Variants in DOCK3 observed in about 807,000 individuals in gnomAD.
DOCK3 encodes dedicator of cytokinesis 3.
Under a neutral mutation model 265.6 loss-of-function variants are expected in DOCK3, and 60 were observed. That is an observed-to-expected ratio of 0.23 (90% CI 0.18 to 0.28). The LOEUF (loss-of-function observed/expected upper bound fraction) is 0.28. DOCK3 is among the 10% of genes least tolerant of loss of function. The pLI is 1.00. For synonymous variants in DOCK3, 881 were observed against 938.0 expected (o/e 0.94, Z 1.11); for missense variants, 1,981 against 2,594.3 (o/e 0.76, Z 5.14).
intron 9 of DOCK3, among the ~76,000 whole-genome samples, chr3:51,092,297 T>G (rs2082668016): frequency 6.6e-6 from 1 of 152,196 alleles, no homozygotes; most frequent in South Asian, 2.1e-4. Context: ...AGCAGCAGAC[T>G]GAGATCGACC....
intron 5 of DOCK3, among the ~76,000 whole-genome samples, chr3:51,028,179 A>G (rs1330479344): frequency 1.3e-5 from 2 of 152,152 alleles, no homozygotes; most frequent in African/African-American, 4.8e-5. Flanking sequence ...TATTTCTCCT[A>G]TGAAGCTTAA....
intron 32 of DOCK3, among the ~76,000 whole-genome samples, chr3:51,329,021 T>C (rs1209956609): frequency 6.6e-6 from 1 of 152,014 alleles, no homozygotes; most frequent in Non-Finnish European, 1.5e-5. Flanking sequence ...GGTGTGGTGG[T>C]GCGTGCTTAT....
At chr3:51,105,384 C>A (rs958303016) in intron 9 of DOCK3, among the ~76,000 whole-genome samples, 1 of 152,194 alleles carries the variant, frequency 6.6e-6, no homozygotes, top group African/African-American at 2.4e-5. Context: ...TATGCCTACT[C>A]TGTTTCAGCA....
chr3:50,709,285 T>G (rs1330971195), intron 1 of DOCK3, among the ~76,000 whole-genome samples: 2 of 152,018 alleles, frequency 1.3e-5, no homozygotes, highest in African/African-American at 2.4e-5. Context: ...TTCTAATAGT[T>G]TTTTTTTAGT....
chr3:51,125,674 C>T lies in DOCK3; in HGVS notation c.747-20875C>T, dbSNP rs190616836. Among the ~76,000 whole-genome samples the T allele has an allele frequency of 3.2e-3, 483 of 152,002 alleles. 1 individual carries two copies. Among genetic ancestry groups the T allele is most frequent in the Middle Eastern group, 6.8e-3 (2 of 294 alleles). On this transcript the variant is annotated intron_variant, in intron 9 of 52. Transcript: ENST00000266037. The stretch of plus-strand genomic sequence containing the variant: ...GAGGACTTCCATAATCACAATAGGA[C>T]AAATATAGAGGAGTATGTATGTTAC...
intron 4 of DOCK3, among the ~76,000 whole-genome samples, chr3:50,916,742 G>A (rs546945767): frequency 1.7e-4 from 26 of 151,710 alleles, no homozygotes; most frequent in African/African-American, 5.1e-4. Flanking sequence ...CCGGTAGGGG[G>A]AGCTTACAGT....
chr3:51,381,324 G>T lies in DOCK3; in HGVS notation c.5858G>T (p.Cys1953Phe), dbSNP rs1043522299. The change falls in exon 53 of 53, where the codon TGC becomes TTC. Residue 1953 changes from cysteine (C) to phenylalanine (F), a missense_variant. Physicochemically the swap from Cys to Phe is radical, Grantham distance 205. Transcript: ENST00000266037. The surrounding 1 kb of genome is among the most constrained non-coding windows in gnomAD (Gnocchi z 5.6). Reference sequence around the variant, plus strand: ...CTGGACTCCATCAAGGCCCAGCCATGCCGAAGCCACTCAGCCCCAGGGTGC... The same window carrying T: ...CTGGACTCCATCAAGGCCCAGCCATTCCGAAGCCACTCAGCCCCAGGGTGC... ...AVLDSIKAQP[C>F]RSHSAPGCVI... 1.9e-6 allele frequency: 3 copies of T among 1,613,466 alleles called. No homozygotes were observed. Among genetic ancestry groups the T allele is most frequent in the Non-Finnish European group, 2.5e-6 (3 of 1,179,894 alleles).
chr3:51,281,274 A>AT (rs2081096037), intron 27 of DOCK3, among the ~76,000 whole-genome samples: 5 of 125,694 alleles, frequency 4.0e-5, no homozygotes, highest in African/African-American at 1.5e-4. Context: ...GATGAGCTAA[A>AT]ATATATATAT....
chr3:50,984,623 G>A (rs918463109), intron 5 of DOCK3, among the ~76,000 whole-genome samples: 18 of 152,038 alleles, frequency 1.2e-4, no homozygotes, highest in Non-Finnish European at 2.2e-4. Flanking sequence ...TTTCTTATAT[G>A]TTACTTTATT....
intron 40 of DOCK3, among the ~76,000 whole-genome samples, chr3:51,353,799 CTTCCTTTG>C (rs2086174017): frequency 6.6e-6 from 1 of 152,006 alleles, no homozygotes; most frequent in Non-Finnish European, 1.5e-5. Flanking sequence ...CTCTCTCTTT[CTTCCTTTG>C]AAGACATGCC....
chr3:50,934,742 A>G (rs1480410237), intron 5 of DOCK3, among the ~76,000 whole-genome samples: 1 of 151,966 alleles, frequency 6.6e-6, no homozygotes, highest in Non-Finnish European at 1.5e-5. Flanking sequence ...TGTCTCTTAA[A>G]AAAAAAAAAG....
intron 1 of DOCK3, among the ~76,000 whole-genome samples, chr3:50,706,099 C>T (rs1031138737): frequency 4.6e-5 from 7 of 151,996 alleles, no homozygotes; most frequent in Non-Finnish European, 8.8e-5. Context: ...ATGAAGAAGG[C>T]GCCTGCTTCT....
intron 3 of DOCK3, among the ~76,000 whole-genome samples, chr3:50,871,620 TC>T (rs979321801): frequency 6.6e-5 from 10 of 152,206 alleles, no homozygotes; most frequent in African/African-American, 2.4e-4. Context: ...GAACCCTATT[TC>T]TTTCTCTACC....
chr3:51,346,401 G>C (rs1461397866), intron 38 of DOCK3, among the ~76,000 whole-genome samples: 2 of 151,070 alleles, frequency 1.3e-5, no homozygotes, highest in Non-Finnish European at 2.9e-5. Context: ...TTGGTTTTCT[G>C]TCCTTGCAAT....
At chr3:51,088,086 T>A (rs1375943945) in intron 7 of DOCK3, among the ~76,000 whole-genome samples, 2 of 152,204 alleles carry the variant, frequency 1.3e-5, no homozygotes, top group Non-Finnish European at 2.9e-5. Flanking sequence ...AATGAAATAC[T>A]GTCATTTGTA....
chr3:51,239,199 T>TTTTATTTATTTATTTATTTA (rs4028194), intron 21 of DOCK3, among the ~76,000 whole-genome samples: 4,302 of 146,662 alleles, frequency 0.029, 97 homozygotes, highest in South Asian at 0.041. Context: ...AAAGCGTACT[T>TTTTATTTATTTATTTATTTA]TTTATTTATT....
intron 2 of DOCK3, among the ~76,000 whole-genome samples, chr3:50,819,567 C>T (rs901254915): frequency 2.0e-4 from 31 of 152,124 alleles, no homozygotes; most frequent in African/African-American, 6.5e-4. Context: ...AACCAGATGG[C>T]GACAAAAGCG....
intron 1 of DOCK3, among the ~76,000 whole-genome samples, chr3:50,677,922 G>A (rs1364066484): frequency 2.0e-5 from 3 of 152,278 alleles, no homozygotes; most frequent in Admixed American, 1.3e-4. Context: ...TTTAGGCAGT[G>A]GGGAGGACAT....
At chr3:51,105,835 G>T (rs1464428745) in intron 9 of DOCK3, among the ~76,000 whole-genome samples, 3 of 152,172 alleles carry the variant, frequency 2.0e-5, no homozygotes, top group African/African-American at 7.2e-5. Context: ...TGGGAATTCT[G>T]CATGGGGCTA....
Sources: gnomAD v4.1 joint callset for allele counts (sites outside exome capture counted in the v4.1 genomes callset) on GRCh38, gnomAD v4.1.1 for gene constraint, Gnocchi (gnomAD v3.1) non-coding constraint, MANE v1.5 for transcripts, NCBI Gene and HGNC (gene_info 2026-07-23, HGNC 2026-07-21) for gene names.